Variants in PRELID2 observed in about 807,000 individuals in gnomAD.
PRELID2 encodes PRELI domain-containing protein 2.
Under a neutral mutation model 28.4 loss-of-function variants are expected in PRELID2, and 25 were observed. The ratio of observed to expected loss-of-function variants is 0.88; its 90% CI spans 0.64 to 1.23. The LOEUF (loss-of-function observed/expected upper bound fraction) is 1.23, where lower values mean the gene tolerates loss of function less well. Among genes scored for constraint, PRELID2 ranks in the 50% most tolerant of loss-of-function variants. PRELID2 has a pLI of 0.00. For synonymous variants in PRELID2, 76 were observed against 71.6 expected (o/e 1.06, Z -0.31); for missense variants, 201 against 214.4 (o/e 0.94, Z 0.39).
At chr5:145,584,112 TAG>T (rs1753131286) in intron 1 of PRELID2, among the ~76,000 whole-genome samples, 1 of 151,864 alleles carries the variant, frequency 6.6e-6, no homozygotes, top group Admixed American at 6.6e-5. Flanking sequence ...CGGAACAGAA[TAG>T]AGAGTTCAGA....
At chr5:145,242,773 A>G in the PRELID2 span, among the ~76,000 whole-genome samples, 1 of 152,112 alleles carries the variant, frequency 6.6e-6, no homozygotes, top group South Asian at 2.1e-4. Flanking sequence ...AAATGCCAGA[A>G]ATGTAAAATG....
At chr5:145,486,551 C>G (rs1002913759) in intron 1 of PRELID2, among the ~76,000 whole-genome samples, 3 of 152,192 alleles carry the variant, frequency 2.0e-5, no homozygotes, top group African/African-American at 7.2e-5. Context: ...CCAGTTGTAT[C>G]TTGGTGCATT....
chr5:145,297,943 C>A, the PRELID2 span, among the ~76,000 whole-genome samples: 1 of 152,126 alleles, frequency 6.6e-6, no homozygotes, highest in South Asian at 2.1e-4. Flanking sequence ...AGGAGAACTA[C>A]AAACCACTGC....
intron 1 of PRELID2, among the ~76,000 whole-genome samples, chr5:145,555,668 A>T (rs1262843973): frequency 6.6e-6 from 1 of 152,170 alleles, no homozygotes; most frequent in East Asian, 1.9e-4. Context: ...TGAATGCTGA[A>T]GCTGATCAAT....
intron 1 of PRELID2, among the ~76,000 whole-genome samples, chr5:145,645,674 G>A (rs1754185809): frequency 6.6e-6 from 1 of 152,114 alleles, no homozygotes; most frequent in African/African-American, 2.4e-5. Context: ...GCTGATACCA[G>A]TTGTTCCTTT....
At chr5:145,728,954 T>C (rs1298700944) in intron 1 of PRELID2, 7 of 785,508 alleles carry the variant, frequency 8.9e-6, no homozygotes, top group Non-Finnish European at 1.4e-5. Flanking sequence ...CCACAGCAAC[T>C]GCACAAAGAC....
At chr5:145,309,761 A>G in the PRELID2 span, among the ~76,000 whole-genome samples, 1 of 152,196 alleles carries the variant, frequency 6.6e-6, no homozygotes, top group East Asian at 1.9e-4. Context: ...TGCACAAATT[A>G]TGGAAGATGA....
At chr5:145,302,380 T>G in the PRELID2 span, among the ~76,000 whole-genome samples, 1 of 151,994 alleles carries the variant, frequency 6.6e-6, no homozygotes, top group African/African-American at 2.4e-5. Flanking sequence ...TCAAGTGATC[T>G]GCCCACCTCG....
the PRELID2 span, among the ~76,000 whole-genome samples, chr5:145,390,490 A>G: frequency 6.6e-6 from 1 of 152,162 alleles, no homozygotes; most frequent in East Asian, 1.9e-4. Context: ...ACCATCAGAT[A>G]TCATGAGAAT....
the PRELID2 span, among the ~76,000 whole-genome samples, chr5:145,316,864 G>C: frequency 6.6e-6 from 1 of 152,182 alleles, no homozygotes; most frequent in Non-Finnish European, 1.5e-5. Context: ...ATATGCAAAT[G>C]ATGTCTCATT....
chr5:145,330,252 T>C, the PRELID2 span, among the ~76,000 whole-genome samples: 6 of 152,220 alleles, frequency 3.9e-5, no homozygotes, highest in Non-Finnish European at 7.3e-5. Flanking sequence ...GTTGTGTCTC[T>C]GCCAGGTTTT....
chr5:145,306,430 T>C, the PRELID2 span, among the ~76,000 whole-genome samples: 1 of 152,138 alleles, frequency 6.6e-6, no homozygotes. Flanking sequence ...ATAATTCCAT[T>C]AATTACAATG....
the PRELID2 span, among the ~76,000 whole-genome samples, chr5:145,359,312 GGC>G: frequency 6.6e-6 from 1 of 152,150 alleles, no homozygotes; most frequent in Non-Finnish European, 1.5e-5. Context: ...TGCAGCTGGT[GGC>G]ATTCAATCTA....
the PRELID2 span, among the ~76,000 whole-genome samples, chr5:145,246,398 G>T: frequency 6.6e-6 from 1 of 151,988 alleles, no homozygotes; most frequent in Non-Finnish European, 1.5e-5. Flanking sequence ...ACATTCAAAT[G>T]GGGGAAGAGA....
chr5:145,725,435 A>G (rs1756118588), intron 1 of PRELID2, among the ~76,000 whole-genome samples: 1 of 152,244 alleles, frequency 6.6e-6, no homozygotes. Context: ...ATAACAAATG[A>G]GCACTACTTC....
chr5:145,282,034 T>A, the PRELID2 span, among the ~76,000 whole-genome samples: 1 of 152,128 alleles, frequency 6.6e-6, no homozygotes, highest in South Asian at 2.1e-4. Context: ...ATAGCTGTTA[T>A]CCTCAGGAAT....
intron 1 of PRELID2, among the ~76,000 whole-genome samples, chr5:145,569,466 A>T (rs1752999015): frequency 6.6e-6 from 1 of 152,134 alleles, no homozygotes; most frequent in Non-Finnish European, 1.5e-5. Flanking sequence ...TGGTCCATGA[A>T]GATAGAGGCT....
chr5:145,342,659 G>A, the PRELID2 span, among the ~76,000 whole-genome samples: 1 of 151,138 alleles, frequency 6.6e-6, no homozygotes, highest in Non-Finnish European at 1.5e-5. Context: ...ATTTCTTTTT[G>A]ATTGAGATCT....
intron 1 of PRELID2, among the ~76,000 whole-genome samples, chr5:145,502,919 T>C (rs7715860): frequency 0.3 from 46,011 of 151,710 alleles, 8,381 homozygotes; most frequent in East Asian, 0.9. Context: ...ATCTGAAAGA[T>C]AGGCTGACTA....
Sources: allele counts gnomAD v4.1 joint callset (sites outside exome capture counted in the v4.1 genomes callset), GRCh38; gene constraint gnomAD v4.1.1; transcripts MANE v1.5; gene names NCBI Gene and HGNC (gene_info 2026-07-23, HGNC 2026-07-21).